The following SYNJ1 variants were observed in gnomAD, a reference collection of about 807,000 sequenced individuals.
The protein encoded by SYNJ1 is polyphosphatidylinositol phosphatase SYNJ1.
In SYNJ1, 78 loss-of-function variants were observed where a neutral mutation model predicts 168.2. The ratio of observed to expected loss-of-function variants is 0.46; its 90% confidence interval spans 0.39 to 0.56. SYNJ1 has a LOEUF of 0.56. Among genes scored for constraint, SYNJ1 ranks in the 20% least tolerant of loss-of-function variants. The pLI, the probability that SYNJ1 is intolerant of heterozygous loss-of-function variation, is 0.00. For missense variants in SYNJ1, 1,303 were observed against 1,597.6 expected (o/e 0.82, Z 3.14); for synonymous variants, 539 against 548.6 (o/e 0.98, Z 0.24).
intron 10 of SYNJ1, among the ~76,000 whole-genome samples, chr21:32,682,046 G>A (rs1218297380): frequency 6.6e-6 from 1 of 151,984 alleles, no homozygotes; most frequent in African/African-American, 2.4e-5. Context: ...GGCTTTATAA[G>A]TTTAAGTAAT....
chr21:32,677,025 A>G (rs1364583798), intron 12 of SYNJ1, among the ~76,000 whole-genome samples: 2 of 152,216 alleles, frequency 1.3e-5, no homozygotes, highest in African/African-American at 4.8e-5. Flanking sequence ...TTCATCTTGA[A>G]TGAAGTTGGC....
rs185492644 is a variant in SYNJ1, at chr21:32,715,416, G to A, written c.124+11356C>T. On this transcript the variant is annotated intron_variant, in intron 2 of 32. Transcript: ENST00000674351. Reference sequence around the variant, plus strand: ...CTGAACCCAGGAGGCTGAGGTTACAGTGAGCCAAGATCATGCCACTGCACT... The same window carrying A: ...CTGAACCCAGGAGGCTGAGGTTACAATGAGCCAAGATCATGCCACTGCACT... 3.9e-5 allele frequency among the ~76,000 whole-genome samples: 6 copies of A among 152,044 alleles called. No individual in the cohort carries two copies. The East Asian group carries it at 1.2e-3, about 29-fold the overall frequency.
intron 2 of SYNJ1, among the ~76,000 whole-genome samples, chr21:32,708,710 T>C (rs2042706203): frequency 1.3e-5 from 2 of 152,196 alleles, no homozygotes; most frequent in African/African-American, 4.8e-5. Flanking sequence ...AAGACTATTT[T>C]TCCCATGTCA....
rs1416187467 is a variant in SYNJ1, at chr21:32,630,358, C to T, written c.*1447G>A. 6.6e-6 allele frequency: 1 copy of T among 152,046 alleles called. No individual in the cohort carries two copies. The highest frequency in any genetic ancestry group is 1.5e-5 in the Non-Finnish European group (1 of 68,020). The allele number at this position is 152,046 out of a possible 1,614,324, so 9.4% of individuals were successfully genotyped here. A position where few individuals can be genotyped will look rare whatever the true frequency, so the allele number is the denominator to read the frequency against. On this transcript the variant is annotated 3_prime_UTR_variant, in exon 33 of 33. Transcript: ENST00000674351. ...TTTGAAAACAAAATTAATGAAAGGT[C>T]CAAATTACATTTGCAGCCATCTTTT...
intron 31 of SYNJ1, 107 bp from the exon 32 acceptor site, chr21:32,634,991 A>C: frequency 9.3e-7 from 1 of 1,074,064 alleles, no homozygotes; most frequent in Non-Finnish European, 1.4e-6. Flanking sequence ...AGTTACAGAC[A>C]GAACCCAAGA....
At chr21:32,658,310 C>T (rs1288484974) in intron 18 of SYNJ1, among the ~76,000 whole-genome samples, 1 of 152,188 alleles carries the variant, frequency 6.6e-6, no homozygotes, top group African/African-American at 2.4e-5. Flanking sequence ...AGAGAAGCAG[C>T]TTGACTTCAA....
intron 11 of SYNJ1, among the ~76,000 whole-genome samples, chr21:32,679,586 T>G (rs985191759): frequency 6.6e-6 from 1 of 152,240 alleles, no homozygotes; most frequent in South Asian, 2.1e-4. Flanking sequence ...GGAAATAACT[T>G]CAGTTTGCAA....
At chr21:32,659,951 T>A (rs2040619339) in intron 18 of SYNJ1, among the ~76,000 whole-genome samples, 1 of 152,188 alleles carries the variant, frequency 6.6e-6, no homozygotes, top group African/African-American at 2.4e-5. Context: ...GCAATGCGGA[T>A]CCTGAGAGCA....
At chr21:32,688,424 A>C in intron 6 of SYNJ1, 57 bp from the exon 7 acceptor site, 1 of 1,411,296 alleles carries the variant, frequency 7.1e-7, no homozygotes, top group Non-Finnish European at 9.9e-7. Flanking sequence ...GACGAAAGAA[A>C]TATCACTGCT....
intron 15 of SYNJ1, among the ~76,000 whole-genome samples, chr21:32,670,054 CTAATA>C (rs2041128234): frequency 6.6e-6 from 1 of 151,468 alleles, no homozygotes. Flanking sequence ...TTTTTAATTC[CTAATA>C]TAACAAAGAT....
At chr21:32,706,458 A>G (rs1242147188) in intron 2 of SYNJ1, among the ~76,000 whole-genome samples, 1 of 151,596 alleles carries the variant, frequency 6.6e-6, no homozygotes, top group Non-Finnish European at 1.5e-5. Flanking sequence ...TCAGCAACCT[A>G]TTCTTAAAAA....
At chr21:32,671,181 G>C (rs1334611904) in intron 14 of SYNJ1, among the ~76,000 whole-genome samples, 1 of 151,952 alleles carries the variant, frequency 6.6e-6, no homozygotes, top group African/African-American at 2.4e-5. Flanking sequence ...GCTTAGCATG[G>C]TGGCATGCCT....
Position 32,727,935 on chromosome 21 carries a change from G to A in SYNJ1, c.-23+11C>T, listed in dbSNP as rs1000113626. 8.5e-6 allele frequency: 13 copies of A among 1,532,410 alleles called. No homozygotes were observed. Among genetic ancestry groups the A allele is most frequent in the African/African-American group, 2.8e-5 (2 of 72,572 alleles). 94.9% of individuals were successfully genotyped at this position (1,532,410 alleles called of 1,614,324 possible). On this transcript the variant is annotated intron_variant, in intron 1 of 32. Transcript: ENST00000674351. ...CCGCAGCAGCTCCCCGCCCCCCGCC[G>A]GCTTGCTCACCTCTTCCTCCGGCTC...
At chr21:32,639,876 T>C in intron 29 of SYNJ1, 97 bp from the exon 30 acceptor site, 1 of 974,238 alleles carries the variant, frequency 1.0e-6, no homozygotes, top group South Asian at 1.5e-5. Flanking sequence ...TACTTTCTTC[T>C]ATGGTATTAG....
intron 2 of SYNJ1, among the ~76,000 whole-genome samples, chr21:32,707,109 TAATCATCTTTGTGTTTCCA>T (rs1170687451): frequency 6.6e-6 from 1 of 152,054 alleles, no homozygotes; most frequent in Non-Finnish European, 1.5e-5. Flanking sequence ...GACCAACCTT[TAATCATCTTTGTGTTTCCA>T]AATATTACCT....
Position 32,695,111 on chromosome 21 carries a change from A to G in SYNJ1, c.651T>C (p.Asn217=). The G allele has an allele frequency of 6.2e-7, 1 of 1,614,186 alleles. No individual in the cohort carries two copies. The highest frequency in any genetic ancestry group is 8.5e-7 in the Non-Finnish European group (1 of 1,180,026). ...LSCERAGTRF[N]VRGTNDDGHV... The stretch of plus-strand genomic sequence containing the variant: ...GACCATCATCATTTGTTCCCCGGAC[A>G]TTAAACCTGGTCCCAGCTCGTTCAC... The change falls in exon 5 of 33, where the codon AAT becomes AAC. Residue 217 remains asparagine (N), a synonymous_variant. Transcript: ENST00000674351.
chr21:32,678,579 A>G (rs1470287249), intron 12 of SYNJ1, 66 bp downstream of exon 12: 5 of 1,448,776 alleles, frequency 3.5e-6, no homozygotes, highest in Non-Finnish European at 9.1e-7. Context: ...CTGTGTAAAT[A>G]AGTTTACATT....
chr21:32,641,230 T>C (rs1192945666), intron 29 of SYNJ1, among the ~76,000 whole-genome samples: 2 of 152,206 alleles, frequency 1.3e-5, no homozygotes, highest in African/African-American at 4.8e-5. Flanking sequence ...TCCCAGCTCC[T>C]ACTGGACTAG....
intron 18 of SYNJ1, among the ~76,000 whole-genome samples, chr21:32,661,535 G>A (rs2040702472): frequency 6.6e-6 from 1 of 152,110 alleles, no homozygotes; most frequent in Non-Finnish European, 1.5e-5. Context: ...TTACGAATTG[G>A]CTCACATAAC....
Sources: gnomAD v4.1 joint callset for allele counts (sites outside exome capture counted in the v4.1 genomes callset) on GRCh38, gnomAD v4.1.1 for gene constraint, MANE v1.5 for transcripts, NCBI Gene and HGNC (gene_info 2026-07-23, HGNC 2026-07-21) for gene names.